CRADD: variants seen among roughly 807,000 people sequenced by gnomAD.
The protein encoded by CRADD is CARD and death domain containing adaptor protein.
A neutral mutation model predicts 15.5 loss-of-function variants in CRADD; 9 were observed. The observed-to-expected ratio is 0.58, with a 90% CI of 0.35 to 1.01. The LOEUF is 1.01. CRADD is among the 50% of genes least tolerant of loss of function. The pLI is 0.02. For synonymous variants in CRADD, 118 were observed against 107.6 expected (o/e 1.10, Z -0.60); for missense variants, 227 against 250.3 (o/e 0.91, Z 0.63).
chr12:93,678,800 T>G lies in CRADD; in HGVS notation c.26T>G (p.Leu9Arg). MEARDKQV[L>R]RSLRLELGAE... ...ATGGAGGCCAGAGACAAACAAGTAC[T>G]CCGCTCACTTCGCCTGGAGCTGGGT... Residue 9 changes from leucine to arginine, a missense_variant, in exon 2 of 3, where the codon CTC becomes CGC. Coordinates refer to ENST00000332896, the MANE Select transcript of CRADD (RefSeq NM_003805.5). 1 of 1,613,942 alleles carries G rather than the reference T, an allele frequency of 6.2e-7. No homozygotes were observed. Among genetic ancestry groups the G allele is most frequent in the Non-Finnish European group, 8.5e-7 (1 of 1,179,968 alleles).
At chr12:93,831,623 G>A (rs1957903530) in intron 2 of CRADD, among the ~76,000 whole-genome samples, 1 of 152,228 alleles carries the variant, frequency 6.6e-6, no homozygotes, top group South Asian at 2.1e-4. Flanking sequence ...ATACTTCTTG[G>A]GATCTGCTTC....
chr12:93,692,817 A>G (rs1955604985), intron 2 of CRADD, among the ~76,000 whole-genome samples: 2 of 152,228 alleles, frequency 1.3e-5, no homozygotes, highest in South Asian at 2.1e-4. Flanking sequence ...GGAATCTCCA[A>G]TACTGTAATG....
chr12:93,872,455 G>A (rs1958428847), intron 2 of CRADD, among the ~76,000 whole-genome samples: 1 of 151,954 alleles, frequency 6.6e-6, no homozygotes, highest in African/African-American at 2.4e-5. Flanking sequence ...TTGCTTGTGG[G>A]GTATTGCTCA....
chr12:93,778,392 A>G (rs905054547), intron 2 of CRADD, among the ~76,000 whole-genome samples: 1 of 152,210 alleles, frequency 6.6e-6, no homozygotes, highest in African/African-American at 2.4e-5. Flanking sequence ...CACGAGTTGA[A>G]TGACAACTGG....
At chr12:93,800,569 GC>G (rs530302566) in intron 2 of CRADD, among the ~76,000 whole-genome samples, 190 of 152,018 alleles carry the variant, frequency 1.2e-3, no homozygotes, top group Admixed American at 3.1e-3. Flanking sequence ...TAAAAGTATG[GC>G]ACTTACTCCT....
Position 93,878,642 on chromosome 12 carries a change from G to A in CRADD, c.299-15408G>A, listed in dbSNP as rs115427880. ...CAGCGCTATAGCCCATGGTGGTGAGGTTTGTGGGAACTCAAGTTCTGACCA... is the reference window on the plus strand; with the variant it reads ...CAGCGCTATAGCCCATGGTGGTGAGATTTGTGGGAACTCAAGTTCTGACCA... On this transcript the variant is annotated intron_variant, in intron 2 of 2. Transcript: ENST00000548483. Among the ~76,000 whole-genome samples, 739 of 152,282 alleles carry A rather than the reference G, an allele frequency of 4.9e-3. 5 individuals are homozygous for A. The highest frequency in any genetic ancestry group is 0.016 in the African/African-American group (649 of 41,544).
chr12:93,786,883 A>G lies in CRADD; in HGVS notation c.299-63087A>G, dbSNP rs76392581. 1.7e-3 allele frequency among the ~76,000 whole-genome samples: 262 copies of G among 152,316 alleles called. 3 individuals carry two copies. The highest frequency in any genetic ancestry group is 6.1e-3 in the African/African-American group (253 of 41,574). On this transcript the variant is annotated intron_variant, in intron 2 of 2. Transcript: ENST00000332896. ...ATCTAATTTTGAAAACATTTGCTGC[A>G]TGCCCTACTATGTACTAGGCACTAT...
intron 2 of CRADD, among the ~76,000 whole-genome samples, chr12:93,880,767 A>T (rs1305472486): frequency 6.6e-6 from 1 of 152,192 alleles, no homozygotes; most frequent in Non-Finnish European, 1.5e-5. Flanking sequence ...AACCCAAAAG[A>T]TCTCTTTCTG....
At position 93,850,727 on chromosome 12, in the gene CRADD, C is replaced by CTA. The variant is rs1958210506; in HGVS notation, c.*463_*464dup. The CTA allele has an allele frequency of 1.0e-6, 1 of 983,438 alleles. No individual in the cohort carries two copies. The highest frequency in any genetic ancestry group is 4.7e-5 in the South Asian group (1 of 21,274). 60.9% of individuals were successfully genotyped at this position (983,438 alleles called of 1,614,324 possible). ...TGATAAAATAATAAAATGCGAATTA[C>CTA]TATATATAATGTGCCTCACTCATGA... On this transcript the variant is annotated 3_prime_UTR_variant, in exon 3 of 3. Coordinates refer to ENST00000332896, the MANE Select transcript of CRADD (RefSeq NM_003805.5). The surrounding 1 kb of genome is among the most constrained non-coding windows in gnomAD (Gnocchi z 4.0).
chr12:93,772,679 T>C (rs1957097198), intron 2 of CRADD, among the ~76,000 whole-genome samples: 1 of 152,242 alleles, frequency 6.6e-6, no homozygotes, highest in African/African-American at 2.4e-5. Context: ...CTAGAGCATA[T>C]TATTGATATT....
At chr12:93,766,360 G>T (rs1957027113) in intron 2 of CRADD, among the ~76,000 whole-genome samples, 1 of 152,198 alleles carries the variant, frequency 6.6e-6, no homozygotes, top group Non-Finnish European at 1.5e-5. Context: ...CCAAAAATGT[G>T]CAGTCCTTTA....
chr12:93,873,122 G>T (rs1958434394), intron 2 of CRADD, among the ~76,000 whole-genome samples: 1 of 151,496 alleles, frequency 6.6e-6, no homozygotes, highest in South Asian at 2.1e-4. Flanking sequence ...AACATCTTTT[G>T]CTTCTTTGGC....
chr12:93,709,783 A>G (rs1956028247), intron 2 of CRADD, among the ~76,000 whole-genome samples: 1 of 152,162 alleles, frequency 6.6e-6, no homozygotes, highest in East Asian at 1.9e-4. Context: ...ATACCCAGTA[A>G]TGGGATTGCT....
chr12:93,885,171 A>G (rs1237501055), intron 2 of CRADD, among the ~76,000 whole-genome samples: 1 of 152,238 alleles, frequency 6.6e-6, no homozygotes, highest in East Asian at 1.9e-4. Flanking sequence ...CCAAGAAACC[A>G]TGACTGAAAA....
intron 2 of CRADD, among the ~76,000 whole-genome samples, chr12:93,865,583 T>A (rs760326761): frequency 6.6e-6 from 1 of 152,132 alleles, no homozygotes; most frequent in Non-Finnish European, 1.5e-5. Flanking sequence ...CATGCCTGGC[T>A]GATTTTTAAA....
intron 2 of CRADD, among the ~76,000 whole-genome samples, chr12:93,760,883 C>G (rs1469678700): frequency 2.0e-5 from 3 of 151,706 alleles, no homozygotes; most frequent in African/African-American, 4.8e-5. Flanking sequence ...GAAGGGTGCC[C>G]CAGAAGAAGT....
At chr12:93,791,941 G>A (rs1353115672) in intron 2 of CRADD, among the ~76,000 whole-genome samples, 1 of 149,690 alleles carries the variant, frequency 6.7e-6, no homozygotes, top group Non-Finnish European at 1.5e-5. Flanking sequence ...TTCCAGACAA[G>A]GCTGTATGGT....
intron 2 of CRADD, among the ~76,000 whole-genome samples, chr12:93,715,891 C>T (rs1362640180): frequency 6.6e-6 from 1 of 151,938 alleles, no homozygotes; most frequent in African/African-American, 2.4e-5. Flanking sequence ...CCTGTAATCC[C>T]AGCACTTTGA....
chr12:93,840,016 T>A (rs1221336675), intron 2 of CRADD, among the ~76,000 whole-genome samples: 4 of 152,236 alleles, frequency 2.6e-5, no homozygotes, highest in Non-Finnish European at 4.4e-5. Flanking sequence ...CCTTTTACCT[T>A]TGGGACTTTA....
Sources: gnomAD v4.1 joint callset for allele counts (sites outside exome capture counted in the v4.1 genomes callset) on GRCh38, gnomAD v4.1.1 for gene constraint, Gnocchi (gnomAD v3.1) non-coding constraint, MANE v1.5 for transcripts, NCBI Gene and HGNC (gene_info 2026-07-23, HGNC 2026-07-21) for gene names.